CSMD1: variants seen among roughly 807,000 people sequenced by gnomAD.
The protein encoded by CSMD1 is CUB and Sushi multiple domains 1, also known as CUB and sushi domain-containing protein 1.
In CSMD1, 213 loss-of-function variants were observed where a neutral mutation model predicts 417.5. That is an observed-to-expected ratio of 0.51 (90% CI 0.46 to 0.57). The LOEUF (loss-of-function observed/expected upper bound fraction) is 0.57. Among genes scored for constraint, CSMD1 ranks in the 20% least tolerant of loss-of-function variants. The pLI is 0.00. For synonymous variants in CSMD1, 2,862 were observed against 1,736.8 expected (o/e 1.65, Z -16.11); for missense variants, 6,923 against 4,529.7 (o/e 1.53, Z -15.17).
At chr8:3,799,214 T>A (rs1347012410) in intron 5 of CSMD1, among the ~76,000 whole-genome samples, 2 of 152,018 alleles carry the variant, frequency 1.3e-5, no homozygotes. Flanking sequence ...AACTTACCTT[T>A]CACAACTGAT....
intron 10 of CSMD1, among the ~76,000 whole-genome samples, chr8:3,517,276 A>G (rs1010899230): frequency 2.0e-5 from 3 of 152,220 alleles, no homozygotes; most frequent in Admixed American, 6.5e-5. Context: ...GTTGTGAATC[A>G]CAAGAGAACA....
At chr8:4,434,883 A>C (rs959942677) in intron 2 of CSMD1, among the ~76,000 whole-genome samples, 6 of 152,180 alleles carry the variant, frequency 3.9e-5, no homozygotes, top group Non-Finnish European at 7.3e-5. Flanking sequence ...TTTTTCCTCA[A>C]GAAAATGCTG....
intron 26 of CSMD1, among the ~76,000 whole-genome samples, chr8:3,235,282 T>C (rs894033995): frequency 6.6e-6 from 1 of 152,170 alleles, no homozygotes; most frequent in African/African-American, 2.4e-5. Context: ...AACCAAGATG[T>C]TTTCATTTCT....
intron 1 of CSMD1, among the ~76,000 whole-genome samples, chr8:4,827,809 T>C (rs1434249159): frequency 6.6e-6 from 1 of 152,204 alleles, no homozygotes; most frequent in Non-Finnish European, 1.5e-5. Context: ...CTGGAAAATT[T>C]TTACTGTAAT....
intron 1 of CSMD1, among the ~76,000 whole-genome samples, chr8:4,784,021 TAA>T (rs1185684962): frequency 6.6e-6 from 1 of 152,152 alleles, no homozygotes; most frequent in Non-Finnish European, 1.5e-5. Context: ...AAATTATGGA[TAA>T]AAAAAGTGTA....
At chr8:4,295,709 G>A (rs540003435) in intron 3 of CSMD1, among the ~76,000 whole-genome samples, 2 of 139,722 alleles carry the variant, frequency 1.4e-5, no homozygotes, top group Non-Finnish European at 3.1e-5. Context: ...TATATATTGT[G>A]TTAAAATTAT....
At chr8:2,965,094 G>C (rs1234235076) in intron 59 of CSMD1, among the ~76,000 whole-genome samples, 4 of 152,042 alleles carry the variant, frequency 2.6e-5, no homozygotes, top group Admixed American at 1.3e-4. Flanking sequence ...GTTCTTCTTT[G>C]CTTCTGGTAA....
intron 10 of CSMD1, among the ~76,000 whole-genome samples, chr8:3,552,141 C>G (rs1257784903): frequency 6.6e-6 from 1 of 152,146 alleles, no homozygotes; most frequent in Non-Finnish European, 1.5e-5. Context: ...TTGAATTCAT[C>G]CCATCTTCTA....
At chr8:3,587,793 C>T (rs1800669579) in intron 8 of CSMD1, among the ~76,000 whole-genome samples, 1 of 152,108 alleles carries the variant, frequency 6.6e-6, no homozygotes, top group Admixed American at 6.5e-5. Context: ...GAAGAGAATT[C>T]AAAAGATGTA....
intron 3 of CSMD1, among the ~76,000 whole-genome samples, chr8:4,258,880 C>T (rs192085391): frequency 6.6e-6 from 1 of 152,144 alleles, no homozygotes; most frequent in African/African-American, 2.4e-5. Flanking sequence ...CTCTACCTGG[C>T]CGTGCCATGT....
chr8:3,142,769 G>C, intron 40 of CSMD1, 95 bp from the exon 41 acceptor site: 7 of 1,020,398 alleles, frequency 6.9e-6, no homozygotes, highest in Non-Finnish European at 9.1e-6. Context: ...AGTCTCCCCA[G>C]ACAATCCCTC....
intron 3 of CSMD1, among the ~76,000 whole-genome samples, chr8:4,324,443 A>C (rs939866596): frequency 6.6e-6 from 1 of 152,236 alleles, no homozygotes; most frequent in Admixed American, 6.5e-5. Context: ...AGCCTTTGTC[A>C]GTGAACACAG....
rs554375783 is a variant in CSMD1 at position 3,565,398 on chromosome 8, G to A, written c.1344+9547C>T. Among the ~76,000 whole-genome samples, 138 of 152,170 alleles carry A rather than the reference G, an allele frequency of 9.1e-4. 2 individuals carry two copies. The highest frequency in any genetic ancestry group is 1.6e-3 in the Non-Finnish European group (106 of 68,004). On this transcript the variant is annotated intron_variant, in intron 10 of 69. Transcript: ENST00000635120. ...ATTGAATAATGGGGAGGCTCCCTTC[G>A]GTGTTATAGGAAAGGGTGGTGTGTC...
At chr8:4,170,919 C>T (rs931722081) in intron 3 of CSMD1, among the ~76,000 whole-genome samples, 5 of 151,828 alleles carry the variant, frequency 3.3e-5, no homozygotes, top group African/African-American at 9.7e-5. Context: ...TCACTTATTC[C>T]AATGCCTGTA....
chr8:3,825,579 A>C (rs1342907666), intron 5 of CSMD1, among the ~76,000 whole-genome samples: 1 of 121,366 alleles, frequency 8.2e-6, no homozygotes, highest in Non-Finnish European at 1.7e-5. Context: ...TTGATTACCT[A>C]GAAGAGTGGG....
In CSMD1 at chr8:3,964,076, A is replaced by G. The variant is rs151161633; in HGVS notation, c.818+33827T>C. 2.7e-3 allele frequency among the ~76,000 whole-genome samples: 413 copies of G among 152,358 alleles called. 1 individual carries two copies. Among genetic ancestry groups the G allele is most frequent in the African/African-American group, 9.4e-3 (391 of 41,586 alleles). On this transcript the variant is annotated intron_variant, in intron 5 of 69. Transcript: ENST00000635120. ...AGCACAGCATGAGGTGCTTGCTTGAATAACTTTTTTGTCAACAGTAAAAAG... is the reference window on the plus strand; with the variant it reads ...AGCACAGCATGAGGTGCTTGCTTGAGTAACTTTTTTGTCAACAGTAAAAAG...
At chr8:4,114,307 A>G (rs1033649770) in intron 3 of CSMD1, among the ~76,000 whole-genome samples, 8 of 152,224 alleles carry the variant, frequency 5.3e-5, no homozygotes, top group African/African-American at 1.7e-4. Flanking sequence ...GTGGAAAAAT[A>G]AAGTCTGGAT....
chr8:4,935,401 T>C (rs996454067), intron 1 of CSMD1, among the ~76,000 whole-genome samples: 4 of 152,210 alleles, frequency 2.6e-5, no homozygotes, highest in Non-Finnish European at 5.9e-5. Flanking sequence ...AAAGCCCTAT[T>C]ACTCTGTGTT....
chr8:4,007,752 CCTCTATTCATTT>C (rs1437046538), intron 4 of CSMD1, among the ~76,000 whole-genome samples: 1 of 152,006 alleles, frequency 6.6e-6, no homozygotes, highest in African/African-American at 2.4e-5. Context: ...TGCAAACAAG[CCTCTATTCATTT>C]GTCTTTAACA....
Sources: allele counts gnomAD v4.1 joint callset (sites outside exome capture counted in the v4.1 genomes callset), GRCh38; gene constraint gnomAD v4.1.1; transcripts MANE v1.5; gene names NCBI Gene and HGNC (gene_info 2026-07-23, HGNC 2026-07-21).